Variants in ANK3 observed in about 807,000 individuals in gnomAD.
ANK3 encodes the protein ankyrin-3.
In ANK3, 57 loss-of-function variants were observed where a neutral mutation model predicts 370.9. The observed-to-expected ratio is 0.15, with a 90% CI of 0.12 to 0.19. The LOEUF is 0.19. Ranked by LOEUF, ANK3 falls within the 10% of genes least tolerant of loss-of-function variation. ANK3 has a pLI of 1.00. For synonymous variants in ANK3, 1,929 were observed against 1,946.3 expected, an observed-to-expected ratio of 0.99 and a Z score of 0.23; for missense variants, 4,439 against 5,302.1, an observed-to-expected ratio of 0.84 and a Z score of 5.06.
At chr10:60,343,654 C>T (rs10821734) in intron 1 of ANK3, among the ~76,000 whole-genome samples, 105,662 of 151,598 alleles carry the variant, frequency 0.7, 38,072 homozygotes, top group South Asian at 0.91. Flanking sequence ...AGAATGGAGA[C>T]AGATCTAGAG....
At chr10:60,299,095 A>G (rs1165265539) in intron 1 of ANK3, among the ~76,000 whole-genome samples, 5 of 152,176 alleles carry the variant, frequency 3.3e-5, no homozygotes, top group Non-Finnish European at 7.4e-5. Flanking sequence ...TTCATGCACA[A>G]TCTTATAGCT....
chr10:60,044,067 C>A (rs1345943707), intron 42 of ANK3: 39 of 985,612 alleles, frequency 4.0e-5, no homozygotes, highest in Non-Finnish European at 4.5e-5. Context: ...CAATCCCTCT[C>A]CATTACCACA....
At chr10:60,377,097 C>G (rs1282795611) in intron 1 of ANK3, among the ~76,000 whole-genome samples, 2 of 152,122 alleles carry the variant, frequency 1.3e-5, no homozygotes, top group African/African-American at 4.8e-5. Flanking sequence ...GTTGACAGAG[C>G]TAAGTAAATA....
chr10:60,211,892 CAAAAAA>C (rs72238553), intron 9 of ANK3, among the ~76,000 whole-genome samples: 6 of 93,398 alleles, frequency 6.4e-5, no homozygotes, highest in Non-Finnish European at 9.8e-5. Context: ...AATACAGAGC[CAAAAAA>C]AAAAAAAAAA....
intron 2 of ANK3, chr10:60,572,411 C>T: frequency 6.7e-7 from 1 of 1,502,996 alleles, no homozygotes; most frequent in Non-Finnish European, 8.9e-7. Context: ...AAGATCACTT[C>T]CTCCCCAGAG....
At chr10:60,150,591 A>T (rs891175804) in intron 23 of ANK3, among the ~76,000 whole-genome samples, 2 of 152,206 alleles carry the variant, frequency 1.3e-5, no homozygotes, top group South Asian at 2.1e-4. Context: ...ATAGGGGCAG[A>T]TCCCTCATGA....
chr10:60,715,824 G>T (rs982822172), intron 1 of ANK3, among the ~76,000 whole-genome samples: 1 of 152,058 alleles, frequency 6.6e-6, no homozygotes, highest in African/African-American at 2.4e-5. Flanking sequence ...AACCATTAAG[G>T]TTCTAATCTG....
intron 1 of ANK3, among the ~76,000 whole-genome samples, chr10:60,688,131 G>A (rs760329148): frequency 1.2e-4 from 19 of 152,042 alleles, no homozygotes; most frequent in East Asian, 5.8e-4. Context: ...GTGCAGTGGC[G>A]TGGTCTCGGC....
At chr10:60,718,028 C>T (rs2079813710) in intron 1 of ANK3, among the ~76,000 whole-genome samples, 1 of 152,204 alleles carries the variant, frequency 6.6e-6, no homozygotes, top group African/African-American at 2.4e-5. Context: ...GGCAGGATGC[C>T]ATCAGGCATT....
intron 7 of ANK3, among the ~76,000 whole-genome samples, chr10:60,245,695 A>T (rs2097542540): frequency 1.3e-5 from 2 of 152,316 alleles, no homozygotes; most frequent in African/African-American, 4.8e-5. Context: ...TTTCATGAGG[A>T]TGCCAAGTTT....
intron 2 of ANK3, among the ~76,000 whole-genome samples, chr10:60,517,256 G>A (rs940750225): frequency 6.6e-6 from 1 of 152,042 alleles, no homozygotes; most frequent in African/African-American, 2.4e-5. Flanking sequence ...TAGAGTCGAG[G>A]TTTCCCATGT....
intron 2 of ANK3, among the ~76,000 whole-genome samples, chr10:60,575,882 A>C (rs1380154691): frequency 6.6e-6 from 1 of 152,196 alleles, no homozygotes; most frequent in Admixed American, 6.5e-5. Flanking sequence ...TCTACTCTAG[A>C]AATACGCATT....
chr10:60,692,644 A>G (rs1032094336), intron 1 of ANK3, among the ~76,000 whole-genome samples: 1 of 152,200 alleles, frequency 6.6e-6, no homozygotes, highest in African/African-American at 2.4e-5. Flanking sequence ...GGGACTCCAA[A>G]TAAAGGGACA....
At chr10:60,558,833 T>C (rs1308742318) in intron 2 of ANK3, among the ~76,000 whole-genome samples, 1 of 152,172 alleles carries the variant, frequency 6.6e-6, no homozygotes. Context: ...ATAATATTTG[T>C]ACAGCTCAAA....
intron 1 of ANK3, among the ~76,000 whole-genome samples, chr10:60,690,400 C>T (rs1017188502): frequency 2.6e-5 from 4 of 152,170 alleles, no homozygotes; most frequent in Admixed American, 6.5e-5. Context: ...GCACGCTTTT[C>T]CAACGGTCTT....
rs112295458 is a variant in ANK3 at position 60,634,236 on chromosome 10, G to T, written c.58-19012C>A. Among the ~76,000 whole-genome samples, 135 of 152,284 alleles carry T rather than the reference G, an allele frequency of 8.9e-4. 1 individual carries two copies. The highest frequency in any genetic ancestry group is 6.8e-3 in the Middle Eastern group (2 of 294). On this transcript the variant is annotated intron_variant, in intron 1 of 43. Coordinates refer to the ANK3 transcript ENST00000373827. Reference sequence around the variant, plus strand: ...TGTTCAGCTGGTCTAGCTTGGTTGGGTGGAAATCTCTGAAGGCACATGATA... The same window carrying T: ...TGTTCAGCTGGTCTAGCTTGGTTGGTTGGAAATCTCTGAAGGCACATGATA...
intron 2 of ANK3, among the ~76,000 whole-genome samples, chr10:60,400,451 T>G (rs2063330679): frequency 6.6e-6 from 1 of 152,184 alleles, no homozygotes; most frequent in East Asian, 1.9e-4. Context: ...TATGAGTACT[T>G]GTGAGTATTA....
At chr10:60,345,101 C>G (rs932822152) in intron 1 of ANK3, among the ~76,000 whole-genome samples, 18 of 152,094 alleles carry the variant, frequency 1.2e-4, no homozygotes, top group Non-Finnish European at 2.2e-4. Flanking sequence ...TGAAACAAAG[C>G]CCAACTAAGG....
At position 60,680,712 on chromosome 10, in the gene ANK3, A is replaced by G. The variant is rs1469657253; in HGVS notation, c.57+52551T>C. Among the ~76,000 whole-genome samples, 5 of 152,282 alleles carry G rather than the reference A, an allele frequency of 3.3e-5. 1 individual carries two copies. In the East Asian group the frequency reaches 9.7e-4, roughly 29 times the overall value. On this transcript the variant is annotated intron_variant, in intron 1 of 43. Transcript: ENST00000373827. ...ATGGCGCCTCAAACTCAGCATGACC[A>G]AAATTGAATTTATCTTCCCCGTTGA...
Sources: gnomAD v4.1 joint callset for allele counts (sites outside exome capture counted in the v4.1 genomes callset) on GRCh38, gnomAD v4.1.1 for gene constraint, MANE v1.5 for transcripts, NCBI Gene and HGNC (gene_info 2026-07-23, HGNC 2026-07-21) for gene names.